The following MEGF11 variants were observed in gnomAD, a reference collection of about 807,000 sequenced individuals.
The protein encoded by MEGF11 is multiple epidermal growth factor-like domains protein 11.
A neutral mutation model predicts 146.6 loss-of-function variants in MEGF11; 126 were observed. That is an observed-to-expected ratio of 0.86 (90% CI 0.74 to 1.00). The LOEUF (loss-of-function observed/expected upper bound fraction) is 1.00. Among genes scored for constraint, MEGF11 ranks in the 50% least tolerant of loss-of-function variants. MEGF11 has a pLI of 0.00. For missense variants in MEGF11, 1,509 were observed against 1,521.2 expected (o/e 0.99, Z 0.13); for synonymous variants, 532 against 583.4 (o/e 0.91, Z 1.27).
chr15:65,931,399 G>A (rs758286335), intron 10 of MEGF11, among the ~76,000 whole-genome samples: 16 of 152,182 alleles, frequency 1.1e-4, no homozygotes, highest in African/African-American at 2.9e-4. Context: ...CACTGTGAGC[G>A]AGCAGGAAAT....
At chr15:66,186,580 T>C (rs1483194145) in intron 1 of MEGF11, among the ~76,000 whole-genome samples, 5 of 152,178 alleles carry the variant, frequency 3.3e-5, no homozygotes, top group Non-Finnish European at 7.3e-5. Context: ...TGTCTAGCTA[T>C]GGGAGCACTC....
At chr15:66,128,702 C>G (rs531450326) in intron 1 of MEGF11, among the ~76,000 whole-genome samples, 3 of 152,074 alleles carry the variant, frequency 2.0e-5, no homozygotes, top group Non-Finnish European at 4.4e-5. Context: ...AGTGCAAAAT[C>G]GGCTATAATT....
chr15:66,197,247 T>C (rs2091030504), intron 1 of MEGF11, among the ~76,000 whole-genome samples: 1 of 152,178 alleles, frequency 6.6e-6, no homozygotes. Flanking sequence ...CTTGAAATTA[T>C]TAGTAAATCT....
chr15:66,100,769 A>C (rs2086758580), intron 4 of MEGF11, among the ~76,000 whole-genome samples: 1 of 150,184 alleles, frequency 6.7e-6, no homozygotes. Flanking sequence ...TAAGCAAATA[A>C]GTCACAGTTC....
At chr15:66,218,843 C>T (rs2091652754) in intron 1 of MEGF11, among the ~76,000 whole-genome samples, 1 of 151,902 alleles carries the variant, frequency 6.6e-6, no homozygotes, top group South Asian at 2.1e-4. Flanking sequence ...CCTCAGCTTC[C>T]CTGGGTTTCA....
At chr15:65,990,619 G>A (rs28641950) in intron 5 of MEGF11, among the ~76,000 whole-genome samples, 25 of 103,246 alleles carry the variant, frequency 2.4e-4, no homozygotes, top group African/African-American at 6.7e-4. Context: ...AGAAAAAAAA[G>A]AAAAGAAAAA....
intron 2 of MEGF11, among the ~76,000 whole-genome samples, chr15:66,126,471 GAATATTTTCACATTCCAAATGTATTCAT>G (rs772560442): frequency 9.2e-5 from 14 of 152,338 alleles, no homozygotes; most frequent in Non-Finnish European, 2.1e-4. Flanking sequence ...GCTCAGTTCA[GAATATTTTCACATTCCAAATGTATTCAT>G]GTTGGGCAGG....
chr15:66,092,783 G>C (rs532182705), intron 5 of MEGF11, among the ~76,000 whole-genome samples: 1 of 152,128 alleles, frequency 6.6e-6, no homozygotes, highest in Non-Finnish European at 1.5e-5. Context: ...GGCCCCGGGG[G>C]ACCCAGGCTG....
At chr15:66,244,920 A>G (rs1342808252) in intron 1 of MEGF11, among the ~76,000 whole-genome samples, 1 of 152,186 alleles carries the variant, frequency 6.6e-6, no homozygotes, top group Non-Finnish European at 1.5e-5. Flanking sequence ...CTTGGGTCCC[A>G]GGGGTCTTAT....
At chr15:66,239,924 C>A (rs1183743681) in intron 1 of MEGF11, among the ~76,000 whole-genome samples, 1 of 152,238 alleles carries the variant, frequency 6.6e-6, no homozygotes, top group East Asian at 1.9e-4. Flanking sequence ...TCACTTGTAC[C>A]TGCAACAAAC....
At chr15:66,180,947 C>G (rs2090529307) in intron 1 of MEGF11, among the ~76,000 whole-genome samples, 1 of 152,238 alleles carries the variant, frequency 6.6e-6, no homozygotes, top group African/African-American at 2.4e-5. Flanking sequence ...CAATTGCCCT[C>G]AGCTGACCAC....
rs185775782 is a variant in MEGF11 at position 66,231,367 on chromosome 15, G to A, written c.-9+22238C>T. On this transcript the variant is annotated intron_variant, in intron 1 of 25. Coordinates refer to ENST00000395614, the MANE Select transcript of MEGF11 (RefSeq NM_001385028.1). ...CATAATCTGCCCAGGGAGAGGGGAC[G>A]GTTATAGGGTGTGATACGGCCTCTA... Among the ~76,000 whole-genome samples the A allele has an allele frequency of 1.3e-4, 20 of 151,734 alleles. No individual in the cohort carries two copies. In the East Asian group the frequency reaches 3.1e-3, roughly 23 times the overall value.
At chr15:65,954,560 G>A (rs1340992688) in intron 10 of MEGF11, among the ~76,000 whole-genome samples, 1 of 152,174 alleles carries the variant, frequency 6.6e-6, no homozygotes, top group African/African-American at 2.4e-5. Flanking sequence ...TGGGTGGGAG[G>A]AGATGGATGG....
rs1555462457 is a variant in MEGF11 at position 66,023,151 on chromosome 15, A to AAAACAAAAC, written c.395-40664_395-40663insGTTTTGTTT. 2.5e-3 allele frequency among the ~76,000 whole-genome samples: 378 copies of AAAACAAAAC among 150,216 alleles called. 3 individuals carry two copies. Among genetic ancestry groups the AAAACAAAAC allele is most frequent in the African/African-American group, 8.9e-3 (363 of 40,628 alleles). ...GTGAGACTCCATCTCAAAAAAAAAA[A>AAAACAAAAC]AAAACAAACTTGTTTGAAGCTCTAG... On this transcript the variant is annotated intron_variant, in intron 5 of 25. Coordinates refer to ENST00000395614, the MANE Select transcript of MEGF11 (RefSeq NM_001385028.1).
intron 1 of MEGF11, among the ~76,000 whole-genome samples, chr15:66,156,942 A>G (rs966639017): frequency 1.3e-5 from 2 of 152,250 alleles, no homozygotes; most frequent in Non-Finnish European, 2.9e-5. Context: ...TGGAACCCTG[A>G]GTCAGGTGCC....
intron 5 of MEGF11, among the ~76,000 whole-genome samples, chr15:66,054,269 T>C (rs1034414474): frequency 2.0e-5 from 3 of 152,306 alleles, no homozygotes; most frequent in Middle Eastern, 3.4e-3. Flanking sequence ...TAGCCAACCA[T>C]GTGAAACACA....
chr15:66,119,308 A>T (rs2087898769), intron 3 of MEGF11, 122 bp from the exon 4 acceptor site: 2 of 676,350 alleles, frequency 3.0e-6, no homozygotes, highest in Admixed American at 2.7e-5. Flanking sequence ...ATGCATGGCG[A>T]CTTCAAATAT....
rs1298257117 is a variant in MEGF11, at chr15:65,923,481, G to GGA, written c.1676-514_1676-513dup. ...GCTGGGTCCCTGCCAACCCACCCAGGGAGGGGCTCAGAGAGTAGGTAGGAT... is the reference window on the plus strand; with the variant it reads ...GCTGGGTCCCTGCCAACCCACCCAGGGAGAGGGGCTCAGAGAGTAGGTAGGAT... On this transcript the variant is annotated intron_variant, in intron 13 of 25. Transcript: ENST00000395614. 2.6e-5 allele frequency among the ~76,000 whole-genome samples: 4 copies of GGA among 152,148 alleles called. No homozygotes were observed. In the South Asian group the frequency reaches 8.3e-4, roughly 32 times the overall value.
chr15:65,972,105 C>G (rs2081315947), intron 7 of MEGF11, among the ~76,000 whole-genome samples: 1 of 151,440 alleles, frequency 6.6e-6, no homozygotes, highest in Non-Finnish European at 1.5e-5. Flanking sequence ...ATAAAGTATA[C>G]CAGAGAGAGA....
Sources: gnomAD v4.1 joint callset for allele counts (sites outside exome capture counted in the v4.1 genomes callset) on GRCh38, gnomAD v4.1.1 for gene constraint, MANE v1.5 for transcripts, NCBI Gene and HGNC (gene_info 2026-07-23, HGNC 2026-07-21) for gene names.